The following CTNNA3 variants were observed in gnomAD, a reference collection of about 807,000 sequenced individuals.
CTNNA3 encodes the protein catenin alpha-3.
A neutral mutation model predicts 95.7 loss-of-function variants in CTNNA3; 76 were observed. The observed-to-expected ratio is 0.79, with a 90% CI of 0.66 to 0.96. The LOEUF is 0.96. CTNNA3 is among the 40% of genes least tolerant of loss of function. CTNNA3 has a pLI of 0.00. For missense variants in CTNNA3, 1,191 were observed against 1,089.8 expected, an observed-to-expected ratio of 1.09 and a Z score of -1.31; for synonymous variants, 431 against 374.4, an observed-to-expected ratio of 1.15 and a Z score of -1.74.
At chr10:66,787,481 T>C (rs1019666762) in intron 7 of CTNNA3, among the ~76,000 whole-genome samples, 1 of 152,152 alleles carries the variant, frequency 6.6e-6, no homozygotes, top group African/African-American at 2.4e-5. Context: ...ATTGGGCTTT[T>C]CTCTTTCTCC....
chr10:67,081,250 C>T (rs1355560902), intron 7 of CTNNA3, among the ~76,000 whole-genome samples: 1 of 152,108 alleles, frequency 6.6e-6, no homozygotes, highest in African/African-American at 2.4e-5. Context: ...ATGCTTAATT[C>T]TCTAAGCTCA....
At chr10:67,060,971 C>A (rs1342445108) in intron 7 of CTNNA3, among the ~76,000 whole-genome samples, 2 of 152,044 alleles carry the variant, frequency 1.3e-5, no homozygotes, top group Non-Finnish European at 2.9e-5. Context: ...AAAAAGGCAT[C>A]CAGAAGTGAC....
At chr10:66,369,038 T>A (rs2092733630) in intron 12 of CTNNA3, among the ~76,000 whole-genome samples, 1 of 152,148 alleles carries the variant, frequency 6.6e-6, no homozygotes. Context: ...CTGCTACAGA[T>A]TTTGGCAGAC....
intron 9 of CTNNA3, among the ~76,000 whole-genome samples, chr10:66,761,790 T>C (rs1458429322): frequency 6.6e-6 from 1 of 152,146 alleles, no homozygotes; most frequent in East Asian, 1.9e-4. Flanking sequence ...AAACTTTTTA[T>C]GAGGGAGCTC....
At chr10:66,686,226 G>A (rs997984087) in intron 9 of CTNNA3, among the ~76,000 whole-genome samples, 4 of 152,100 alleles carry the variant, frequency 2.6e-5, no homozygotes, top group African/African-American at 2.4e-5. Context: ...AATTCTTGAG[G>A]TATATGTAGT....
intron 10 of CTNNA3, among the ~76,000 whole-genome samples, chr10:66,577,329 A>G (rs4543881): frequency 0.29 from 43,778 of 151,792 alleles, 6,732 homozygotes; most frequent in Middle Eastern, 0.42. Flanking sequence ...TCTTTAAGTT[A>G]ATTAGGTCCT....
At chr10:67,064,570 A>T (rs1481948856) in intron 7 of CTNNA3, among the ~76,000 whole-genome samples, 1 of 152,038 alleles carries the variant, frequency 6.6e-6, no homozygotes, top group African/African-American at 2.4e-5. Context: ...AATAATTTTG[A>T]CTCTTCCCCT....
intron 7 of CTNNA3, among the ~76,000 whole-genome samples, chr10:67,022,749 A>G (rs1292207625): frequency 6.6e-6 from 1 of 152,066 alleles, no homozygotes; most frequent in Non-Finnish European, 1.5e-5. Flanking sequence ...CATCCTGACT[A>G]ACACAGTGAA....
At chr10:67,381,095 T>C (rs1343435958) in intron 5 of CTNNA3, among the ~76,000 whole-genome samples, 2 of 152,186 alleles carry the variant, frequency 1.3e-5, no homozygotes, top group African/African-American at 2.4e-5. Context: ...CCCTTCCTTG[T>C]TTCAGAATAG....
intron 7 of CTNNA3, among the ~76,000 whole-genome samples, chr10:67,036,269 AC>A (rs1018775264): frequency 6.8e-6 from 1 of 147,070 alleles, no homozygotes; most frequent in African/African-American, 2.5e-5. Flanking sequence ...CCTCCACCAC[AC>A]CCAGCTTTTT....
At chr10:67,713,540 C>T (rs879539879) in intron 1 of CTNNA3, among the ~76,000 whole-genome samples, 5 of 152,136 alleles carry the variant, frequency 3.3e-5, no homozygotes, top group African/African-American at 4.8e-5. Flanking sequence ...AACCCAGATG[C>T]CCATCAATGA....
At chr10:66,871,151 A>G (rs779071825) in intron 7 of CTNNA3, among the ~76,000 whole-genome samples, 18 of 152,330 alleles carry the variant, frequency 1.2e-4, no homozygotes, top group Admixed American at 3.3e-4. Flanking sequence ...CATTGGCAGA[A>G]AGCAGAGGGC....
chr10:66,540,085 G>T (rs188945595), intron 10 of CTNNA3, among the ~76,000 whole-genome samples: 14 of 152,038 alleles, frequency 9.2e-5, no homozygotes, highest in East Asian at 3.9e-4. Flanking sequence ...ACAATAATAA[G>T]AAGAGGTATT....
At chr10:67,128,034 G>A (rs984612921) in intron 7 of CTNNA3, among the ~76,000 whole-genome samples, 1 of 152,008 alleles carries the variant, frequency 6.6e-6, no homozygotes, top group Non-Finnish European at 1.5e-5. Context: ...ATAGCTCAAG[G>A]TCAAAACTCT....
In CTNNA3 at chr10:66,685,223, A is replaced by ATATACGTATATATGTGTGTG. The variant is rs1340023536; in HGVS notation, c.1282-63440_1282-63439insCACACACATATATACGTATA. Among the ~76,000 whole-genome samples the ATATACGTATATATGTGTGTG allele has an allele frequency of 3.4e-3, 476 of 141,578 alleles. 9 individuals are homozygous for ATATACGTATATATGTGTGTG. Among genetic ancestry groups the ATATACGTATATATGTGTGTG allele is most frequent in the African/African-American group, 0.012 (437 of 37,862 alleles). 92.9% of individuals were successfully genotyped at this position (141,578 alleles called of 152,430 possible). A position where few individuals can be genotyped will look rare whatever the true frequency, so the allele number is the denominator to read the frequency against. On this transcript the variant is annotated intron_variant, in intron 9 of 17. Transcript: ENST00000433211. ...TATATATACGTATATATATGTGTAT[A>ATATACGTATATATGTGTGTG]TATATACGTATATATGTGTGTATAT...
chr10:66,673,706 A>C (rs1846745626), intron 9 of CTNNA3, among the ~76,000 whole-genome samples: 1 of 152,072 alleles, frequency 6.6e-6, no homozygotes, highest in African/African-American at 2.4e-5. Context: ...AAGGCAATGA[A>C]GATTAGATAT....
intron 2 of CTNNA3, among the ~76,000 whole-genome samples, chr10:67,644,938 T>C (rs1176540294): frequency 4.6e-5 from 7 of 152,162 alleles, no homozygotes; most frequent in Non-Finnish European, 7.3e-5. Context: ...GTAACAGAAC[T>C]GTCTGGTATG....
intron 1 of CTNNA3, among the ~76,000 whole-genome samples, chr10:67,761,654 A>G (rs1433528457): frequency 2.0e-5 from 3 of 152,156 alleles, no homozygotes; most frequent in Admixed American, 2.0e-4. Context: ...CGAGGCGGGC[A>G]GATCACAAGG....
intron 7 of CTNNA3, among the ~76,000 whole-genome samples, chr10:67,132,197 G>T (rs1361188303): frequency 1.3e-5 from 2 of 152,058 alleles, no homozygotes; most frequent in Non-Finnish European, 2.9e-5. Context: ...TTTCTAGCTT[G>T]GGTGCTAAAT....
Sources: allele counts gnomAD v4.1 joint callset (sites outside exome capture counted in the v4.1 genomes callset), GRCh38; gene constraint gnomAD v4.1.1; transcripts MANE v1.5; gene names NCBI Gene and HGNC (gene_info 2026-07-23, HGNC 2026-07-21).